The following ANKS1B variants were observed in gnomAD, a reference collection of about 807,000 sequenced individuals.
The protein encoded by ANKS1B is ankyrin repeat and sterile alpha motif domain containing 1B.
ANKS1B carries 36 observed loss-of-function variants against 148.3 expected under a neutral mutation model. That is an observed-to-expected ratio of 0.24 (90% CI 0.19 to 0.32). The LOEUF (loss-of-function observed/expected upper bound fraction) is 0.32, where lower values mean the gene tolerates loss of function less well. Among genes scored for constraint, ANKS1B ranks in the 10% least tolerant of loss-of-function variants. ANKS1B has a pLI of 1.00. For synonymous variants in ANKS1B, 542 were observed against 560.8 expected (o/e 0.97, Z 0.47); for missense variants, 1,157 against 1,542.6 (o/e 0.75, Z 4.19).
chr12:98,856,448 G>A (rs545074850), intron 17 of ANKS1B, among the ~76,000 whole-genome samples: 3 of 152,234 alleles, frequency 2.0e-5, no homozygotes, highest in Admixed American at 2.0e-4. Context: ...TTCTTCATCT[G>A]TGAAATGGAG....
chr12:99,429,739 G>A (rs573546722), intron 11 of ANKS1B, among the ~76,000 whole-genome samples: 26 of 152,300 alleles, frequency 1.7e-4, no homozygotes, highest in African/African-American at 5.1e-4. Context: ...CAAGGCGGGT[G>A]GATCACGAGG....
At chr12:99,212,671 T>A (rs2083508767) in intron 14 of ANKS1B, among the ~76,000 whole-genome samples, 1 of 152,236 alleles carries the variant, frequency 6.6e-6, no homozygotes, top group Non-Finnish European at 1.5e-5. Context: ...ATATAACATT[T>A]ATACTAACTT....
At chr12:99,315,959 T>G (rs879712098) in intron 12 of ANKS1B, among the ~76,000 whole-genome samples, 2 of 152,188 alleles carry the variant, frequency 1.3e-5, no homozygotes, top group Non-Finnish European at 2.9e-5. Context: ...CTCAGAATGA[T>G]AGTTTCCAGC....
At chr12:98,847,437 A>G (rs1301141570) in intron 17 of ANKS1B, among the ~76,000 whole-genome samples, 1 of 152,142 alleles carries the variant, frequency 6.6e-6, no homozygotes, top group East Asian at 1.9e-4. Context: ...AAATGGCAGG[A>G]TTTCCTTCTT....
chr12:99,936,477 T>C (rs1157734618), intron 1 of ANKS1B, among the ~76,000 whole-genome samples: 2 of 152,052 alleles, frequency 1.3e-5, no homozygotes, highest in East Asian at 1.9e-4. Flanking sequence ...CAAGACCCCA[T>C]CTCTTAAAAA....
At chr12:99,603,272 C>T (rs568234971) in intron 9 of ANKS1B, among the ~76,000 whole-genome samples, 1 of 152,150 alleles carries the variant, frequency 6.6e-6, no homozygotes, top group East Asian at 1.9e-4. Flanking sequence ...CTTCTTGAGG[C>T]TAGGAATCCA....
At chr12:99,835,625 T>C (rs1282198472) in intron 1 of ANKS1B, among the ~76,000 whole-genome samples, 1 of 152,220 alleles carries the variant, frequency 6.6e-6, no homozygotes, top group Non-Finnish European at 1.5e-5. Context: ...GTTTTCAATA[T>C]TGGTGTTTAT....
chr12:98,967,316 T>C (rs1026467898), intron 17 of ANKS1B, among the ~76,000 whole-genome samples: 2 of 152,126 alleles, frequency 1.3e-5, no homozygotes, highest in South Asian at 4.1e-4. Context: ...ACTTTCTTCC[T>C]GGAAGACTCT....
Position 99,378,652 on chromosome 12 carries a change from C to CAA in ANKS1B, c.1756+20977_1756+20978dup, listed in dbSNP as rs140892353. On this transcript the variant is annotated intron_variant, in intron 12 of 26. Coordinates refer to ENST00000683438, the MANE Select transcript of ANKS1B (RefSeq NM_001352186.2). ...CTGGCAACGGAGTGAGACTCCATCTCAAAAAAAAAAAAAAAAAAAAAGAAA... is the reference window on the plus strand; with the variant it reads ...CTGGCAACGGAGTGAGACTCCATCTCAAAAAAAAAAAAAAAAAAAAAAAGAAA... 3.2e-3 allele frequency among the ~76,000 whole-genome samples: 287 copies of CAA among 90,624 alleles called. 15 individuals are homozygous for CAA. In the East Asian group the frequency reaches 0.066, roughly 21 times the overall value. The allele number at this position is 90,624 out of a possible 152,430, so 59.5% of individuals were successfully genotyped here. A position where few individuals can be genotyped will look rare whatever the true frequency, so the allele number is the denominator to read the frequency against.
At chr12:99,904,074 T>C (rs562750124) in intron 1 of ANKS1B, among the ~76,000 whole-genome samples, 5 of 152,296 alleles carry the variant, frequency 3.3e-5, no homozygotes, top group Non-Finnish European at 7.3e-5. Context: ...CATAAGCCAA[T>C]GCATGCCCTT....
chr12:99,144,894 T>G (rs188426913), intron 15 of ANKS1B, among the ~76,000 whole-genome samples: 306 of 152,164 alleles, frequency 2.0e-3, no homozygotes, highest in African/African-American at 6.9e-3. Flanking sequence ...CTGCTGGCAC[T>G]TTGGTCTCAG....
At chr12:99,230,610 T>A (rs1019741768) in intron 14 of ANKS1B, among the ~76,000 whole-genome samples, 21 of 152,180 alleles carry the variant, frequency 1.4e-4, no homozygotes, top group African/African-American at 5.1e-4. Context: ...CTCAGCGGTA[T>A]TTGAAAGATC....
At chr12:99,033,884 G>A (rs1030113024) in intron 17 of ANKS1B, among the ~76,000 whole-genome samples, 3 of 152,116 alleles carry the variant, frequency 2.0e-5, no homozygotes, top group Non-Finnish European at 4.4e-5. Flanking sequence ...AAAAACTCAC[G>A]ACTGGTAGTG....
chr12:99,913,117 A>G (rs1451757212), intron 1 of ANKS1B, among the ~76,000 whole-genome samples: 2 of 152,126 alleles, frequency 1.3e-5, no homozygotes, highest in East Asian at 1.9e-4. Context: ...ACTCTCTATA[A>G]CCATTTTGCT....
intron 12 of ANKS1B, among the ~76,000 whole-genome samples, chr12:99,272,213 T>C (rs1029313216): frequency 8.5e-5 from 13 of 152,136 alleles, no homozygotes; most frequent in Non-Finnish European, 1.6e-4. Flanking sequence ...CCATAAGTGA[T>C]TGCTATAAAA....
At chr12:99,563,548 A>G (rs2097359124) in intron 9 of ANKS1B, among the ~76,000 whole-genome samples, 1 of 152,182 alleles carries the variant, frequency 6.6e-6, no homozygotes, top group Admixed American at 6.5e-5. Flanking sequence ...TATAATGGGC[A>G]CAGTTGTGTC....
At chr12:98,779,640 T>A (rs1009587873) in intron 24 of ANKS1B, among the ~76,000 whole-genome samples, 1 of 152,214 alleles carries the variant, frequency 6.6e-6, no homozygotes, top group Non-Finnish European at 1.5e-5. Flanking sequence ...AAGATTTAGA[T>A]ACAGCAATAG....
At chr12:98,836,238 T>C (rs745921404) in intron 17 of ANKS1B, among the ~76,000 whole-genome samples, 2 of 152,224 alleles carry the variant, frequency 1.3e-5, no homozygotes, top group Non-Finnish European at 1.5e-5. Flanking sequence ...TTTAAAGCAT[T>C]TATATAGGGT....
At chr12:98,761,748 C>T (rs1391433143) in intron 25 of ANKS1B, among the ~76,000 whole-genome samples, 1 of 152,182 alleles carries the variant, frequency 6.6e-6, no homozygotes, top group Admixed American at 6.5e-5. Context: ...TGCATTGCTG[C>T]CCAAATGGCT....
Sources: gnomAD v4.1 joint callset for allele counts (sites outside exome capture counted in the v4.1 genomes callset) on GRCh38, gnomAD v4.1.1 for gene constraint, MANE v1.5 for transcripts, NCBI Gene and HGNC (gene_info 2026-07-23, HGNC 2026-07-21) for gene names.